MLIP: variants seen among roughly 807,000 people sequenced by gnomAD.
The protein encoded by MLIP is muscular LMNA-interacting protein.
In MLIP, 79 loss-of-function variants were observed where a neutral mutation model predicts 84.8. The ratio of observed to expected loss-of-function variants is 0.93; its 90% confidence interval spans 0.78 to 1.12. The LOEUF (loss-of-function observed/expected upper bound fraction) is 1.12. Among genes scored for constraint, MLIP ranks in the 50% most tolerant of loss-of-function variants. The pLI, the probability that MLIP is intolerant of heterozygous loss-of-function variation, is 0.00. For missense variants in MLIP, 1,257 were observed against 1,160.6 expected, an observed-to-expected ratio of 1.08 and a Z score of -1.21; for synonymous variants, 504 against 463.0, an observed-to-expected ratio of 1.09 and a Z score of -1.14.
At chr6:54,193,428 G>A (rs894678680) in intron 10 of MLIP, among the ~76,000 whole-genome samples, 1 of 152,098 alleles carries the variant, frequency 6.6e-6, no homozygotes, top group African/African-American at 2.4e-5. Context: ...ATTATGAGCA[G>A]CCATTTTTAC....
At chr6:54,023,925 C>T (rs1490930941) in intron 1 of MLIP, among the ~76,000 whole-genome samples, 1 of 152,142 alleles carries the variant, frequency 6.6e-6, no homozygotes, top group Non-Finnish European at 1.5e-5. Context: ...AACAAACAAA[C>T]AAACTGTTGT....
chr6:54,087,372 T>C (rs1021951126), intron 1 of MLIP, among the ~76,000 whole-genome samples: 1 of 152,184 alleles, frequency 6.6e-6, no homozygotes, highest in African/African-American at 2.4e-5. Context: ...CTTTATCTAT[T>C]AATGAGTCCA....
At chr6:54,196,635 TTATA>T (rs1407356952) in intron 10 of MLIP, among the ~76,000 whole-genome samples, 1 of 152,078 alleles carries the variant, frequency 6.6e-6, no homozygotes, top group African/African-American at 2.4e-5. Flanking sequence ...TCAGTACCTC[TTATA>T]GACTCCATAT....
intron 1 of MLIP, among the ~76,000 whole-genome samples, chr6:54,092,489 G>A (rs1399633834): frequency 7.2e-5 from 11 of 151,992 alleles, no homozygotes; most frequent in Admixed American, 1.3e-4. Context: ...AAGTAGTACC[G>A]TAAAAGTCAG....
intron 2 of MLIP, among the ~76,000 whole-genome samples, chr6:54,123,864 T>A (rs1770676365): frequency 6.6e-6 from 1 of 152,192 alleles, no homozygotes; most frequent in Non-Finnish European, 1.5e-5. Context: ...GAAAATTGGA[T>A]GGGAAAAGAC....
chr6:54,079,698 C>A (rs1767012977), intron 1 of MLIP: 1 of 152,114 alleles, frequency 6.6e-6, no homozygotes, highest in African/African-American at 2.4e-5. Flanking sequence ...ATTCCTTTCC[C>A]CCCACCATAT....
At chr6:54,154,270 AT>A (rs1229654177) in intron 5 of MLIP, among the ~76,000 whole-genome samples, 3 of 152,158 alleles carry the variant, frequency 2.0e-5, no homozygotes, top group Non-Finnish European at 4.4e-5. Context: ...CATAAAAAAA[AT>A]AAAGTAGACT....
intron 9 of MLIP, among the ~76,000 whole-genome samples, chr6:54,183,231 G>T (rs1231662613): frequency 2.0e-5 from 3 of 152,198 alleles, no homozygotes; most frequent in Non-Finnish European, 4.4e-5. Context: ...TAGGACGAGA[G>T]GTGAATTACT....
chr6:54,204,838 C>G (rs1778927589), intron 11 of MLIP, among the ~76,000 whole-genome samples: 2 of 152,216 alleles, frequency 1.3e-5, no homozygotes, highest in Non-Finnish European at 2.9e-5. Flanking sequence ...TAAGTTACCA[C>G]AGACCTAATC....
intron 3 of MLIP, among the ~76,000 whole-genome samples, chr6:54,129,610 C>T (rs995695355): frequency 6.6e-6 from 1 of 152,124 alleles, no homozygotes; most frequent in South Asian, 2.1e-4. Context: ...GCTTCTGACC[C>T]GAGAGATTTA....
chr6:54,150,339 G>C (rs1314888111), intron 5 of MLIP, among the ~76,000 whole-genome samples: 2 of 152,160 alleles, frequency 1.3e-5, no homozygotes, highest in Non-Finnish European at 2.9e-5. Flanking sequence ...TCTGTTAAAA[G>C]ATGAGATGGG....
intron 1 of MLIP, among the ~76,000 whole-genome samples, chr6:54,022,416 T>C (rs939153949): frequency 2.6e-5 from 4 of 152,210 alleles, no homozygotes; most frequent in South Asian, 2.1e-4. Flanking sequence ...AGCATATGAA[T>C]TTGTAGTCTG....
intron 1 of MLIP, among the ~76,000 whole-genome samples, chr6:54,044,794 A>T (rs916415872): frequency 6.6e-6 from 1 of 152,176 alleles, no homozygotes; most frequent in African/African-American, 2.4e-5. Flanking sequence ...GCAAGGGCCG[A>T]TCAATGGAAA....
chr6:54,207,218 T>A (rs1372587998), intron 11 of MLIP, among the ~76,000 whole-genome samples: 3 of 152,104 alleles, frequency 2.0e-5, no homozygotes, highest in Non-Finnish European at 4.4e-5. Context: ...ATATGAAAGA[T>A]GTAATAGACA....
intron 12 of MLIP, among the ~76,000 whole-genome samples, chr6:54,240,705 CG>C (rs1269103612): frequency 6.6e-6 from 1 of 152,072 alleles, no homozygotes; most frequent in Admixed American, 6.6e-5. Flanking sequence ...GGCCGGGCAC[CG>C]TGGCTCACGC....
chr6:54,202,058 T>C, intron 10 of MLIP, 47 bp from the exon 11 acceptor site: 1 of 1,351,650 alleles, frequency 7.4e-7, no homozygotes, highest in Non-Finnish European at 9.9e-7. Context: ...TTCATTTTAA[T>C]AGTGTTTTTT....
intron 1 of MLIP, among the ~76,000 whole-genome samples, chr6:54,087,422 G>A (rs151269967): frequency 5.9e-5 from 9 of 152,178 alleles, no homozygotes; most frequent in Admixed American, 3.3e-4. Context: ...GGGTGGTTTC[G>A]TAGAGGGAAA....
chr6:54,093,043 A>G (rs1767964520), intron 1 of MLIP, among the ~76,000 whole-genome samples: 1 of 151,792 alleles, frequency 6.6e-6, no homozygotes, highest in South Asian at 2.1e-4. Flanking sequence ...TGCCCAGCTA[A>G]TTTTTGTATT....
chr6:54,132,951 A>G (rs1271439660), intron 3 of MLIP, among the ~76,000 whole-genome samples: 1 of 152,180 alleles, frequency 6.6e-6, no homozygotes, highest in Non-Finnish European at 1.5e-5. Flanking sequence ...AGGTCTAGAA[A>G]CATAATGGCA....
Sources: gnomAD v4.1 joint callset for allele counts (sites outside exome capture counted in the v4.1 genomes callset) on GRCh38, gnomAD v4.1.1 for gene constraint, MANE v1.5 for transcripts, NCBI Gene and HGNC (gene_info 2026-07-23, HGNC 2026-07-21) for gene names.